Variants in NXPE2 observed in about 807,000 individuals in gnomAD.
NXPE2 encodes neurexophilin and PC-esterase domain family member 2.
A neutral mutation model predicts 34.4 loss-of-function variants in NXPE2; 34 were observed. That is an observed-to-expected ratio of 0.99 (90% CI 0.75 to 1.31). The LOEUF (loss-of-function observed/expected upper bound fraction) is 1.31. Ranked by LOEUF, NXPE2 falls within the 40% of genes most tolerant of loss-of-function variation. The probability of loss-of-function intolerance (pLI) is 0.00; values close to 1 mark genes in which losing one functional copy is unlikely to be tolerated. For missense variants in NXPE2, 649 were observed against 672.5 expected (o/e 0.97, Z 0.39); for synonymous variants, 235 against 231.3 (o/e 1.02, Z -0.15).
the NXPE2 span, among the ~76,000 whole-genome samples, chr11:114,484,586 G>C: frequency 6.6e-6 from 1 of 152,104 alleles, no homozygotes; most frequent in Non-Finnish European, 1.5e-5. Flanking sequence ...AATATATGAA[G>C]GGATATTAGA....
the NXPE2 span, among the ~76,000 whole-genome samples, chr11:114,768,227 G>A: frequency 5.9e-5 from 9 of 152,294 alleles, no homozygotes; most frequent in African/African-American, 2.2e-4. Context: ...TTGTAGATAT[G>A]TGGTGTTATT....
the NXPE2 span, among the ~76,000 whole-genome samples, chr11:114,767,881 G>A: frequency 6.6e-6 from 1 of 152,110 alleles, no homozygotes; most frequent in Non-Finnish European, 1.5e-5. Flanking sequence ...AGACAGACTT[G>A]GGTTTACATC....
chr11:114,694,840 T>A (rs1175766381), intron 2 of NXPE2, among the ~76,000 whole-genome samples: 1 of 62,856 alleles, frequency 1.6e-5, no homozygotes, highest in Non-Finnish European at 4.0e-5. Context: ...TTCCTGCTTG[T>A]TTTGTATTTT....
the NXPE2 span, among the ~76,000 whole-genome samples, chr11:114,606,698 G>T: frequency 6.6e-6 from 1 of 151,988 alleles, no homozygotes; most frequent in Non-Finnish European, 1.5e-5. Context: ...CTGTTACCCG[G>T]AGGGTAATAA....
chr11:114,780,376 A>G, the NXPE2 span, among the ~76,000 whole-genome samples: 4 of 152,330 alleles, frequency 2.6e-5, no homozygotes, highest in Admixed American at 2.6e-4. Context: ...GAGGACAAAG[A>G]GGAGGAGCTG....
chr11:114,565,301 C>T, the NXPE2 span, among the ~76,000 whole-genome samples: 133 of 152,202 alleles, frequency 8.7e-4, no homozygotes, highest in African/African-American at 3.0e-3. Context: ...GTAGGCCATG[C>T]CCTTTTTACA....
the NXPE2 span, among the ~76,000 whole-genome samples, chr11:114,631,365 C>G: frequency 3.9e-3 from 586 of 151,854 alleles, 7 homozygotes; most frequent in African/African-American, 0.013. Context: ...GAGTTCATGT[C>G]CTTTGTAGGG....
At chr11:114,675,571 C>A (rs557737525), upstream of NXPE2, among the ~76,000 whole-genome samples, 3 of 151,372 alleles carry the variant, frequency 2.0e-5, no homozygotes, top group South Asian at 6.2e-4. Flanking sequence ...TAAAAAAAAC[C>A]CTTAGGAATT....
At chr11:114,666,080 T>G in the NXPE2 span, among the ~76,000 whole-genome samples, 1 of 152,110 alleles carries the variant, frequency 6.6e-6, no homozygotes, top group African/African-American at 2.4e-5. Context: ...TTGGCCCTAG[T>G]GCACATTTTC....
chr11:114,588,812 C>T, the NXPE2 span, among the ~76,000 whole-genome samples: 1 of 152,164 alleles, frequency 6.6e-6, no homozygotes, highest in African/African-American at 2.4e-5. Flanking sequence ...ATAAAACACA[C>T]CTTCTTGTCC....
chr11:114,770,989 A>C, the NXPE2 span, among the ~76,000 whole-genome samples: 4 of 152,166 alleles, frequency 2.6e-5, no homozygotes, highest in Non-Finnish European at 5.9e-5. Flanking sequence ...TCCATATTAC[A>C]TATGTTTATT....
chr11:114,567,145 C>A, the NXPE2 span, among the ~76,000 whole-genome samples: 1 of 152,152 alleles, frequency 6.6e-6, no homozygotes, highest in Non-Finnish European at 1.5e-5. Context: ...AATAAGCAAT[C>A]TTTTGGCAAC....
At chr11:114,547,511 G>A in the NXPE2 span, among the ~76,000 whole-genome samples, 1 of 152,310 alleles carries the variant, frequency 6.6e-6, no homozygotes, top group East Asian at 1.9e-4. Flanking sequence ...GAGGCAGGTT[G>A]ATCACTTGAG....
At chr11:114,480,422 T>G in the NXPE2 span, among the ~76,000 whole-genome samples, 1 of 152,182 alleles carries the variant, frequency 6.6e-6, no homozygotes, top group Non-Finnish European at 1.5e-5. Context: ...TCTTTCCTAT[T>G]GTGTTTGCTA....
At chr11:114,783,453 C>T in the NXPE2 span, among the ~76,000 whole-genome samples, 1 of 152,190 alleles carries the variant, frequency 6.6e-6, no homozygotes. Flanking sequence ...GCCGACTGAT[C>T]TCACTAAAAT....
At chr11:114,756,856 G>A in the NXPE2 span, among the ~76,000 whole-genome samples, 1 of 152,124 alleles carries the variant, frequency 6.6e-6, no homozygotes, top group Non-Finnish European at 1.5e-5. Flanking sequence ...TAAGGAAGGA[G>A]ATGTAATGGT....
chr11:114,585,121 T>C, the NXPE2 span, among the ~76,000 whole-genome samples: 1 of 151,904 alleles, frequency 6.6e-6, no homozygotes, highest in Admixed American at 6.5e-5. Context: ...ATTGGTTCCA[T>C]TCTCATACCT....
chr11:114,757,488 A>T, the NXPE2 span, among the ~76,000 whole-genome samples: 2 of 152,052 alleles, frequency 1.3e-5, no homozygotes, highest in African/African-American at 4.8e-5. Flanking sequence ...CTCTTTCTGA[A>T]GTTTTCAGAA....
chr11:114,638,514 G>C, the NXPE2 span, among the ~76,000 whole-genome samples: 561 of 152,132 alleles, frequency 3.7e-3, 6 homozygotes, highest in African/African-American at 0.012. Context: ...GTGAGGAACT[G>C]TGTTCCTTTC....
Sources: allele counts gnomAD v4.1 joint callset (sites outside exome capture counted in the v4.1 genomes callset), GRCh38; gene constraint gnomAD v4.1.1; transcripts MANE v1.5; gene names NCBI Gene and HGNC (gene_info 2026-07-23, HGNC 2026-07-21).